SLC12A8: variants seen among roughly 807,000 people sequenced by gnomAD.
SLC12A8 encodes the protein solute carrier family 12 member 8.
SLC12A8 carries 69 observed loss-of-function variants against 75.6 expected under a neutral mutation model. The ratio of observed to expected loss-of-function variants is 0.91; its 90% CI spans 0.75 to 1.11. The LOEUF is 1.11. Ranked by LOEUF, SLC12A8 falls within the 50% of genes most tolerant of loss-of-function variation. The pLI, the probability that SLC12A8 is intolerant of heterozygous loss-of-function variation, is 0.00. For synonymous variants in SLC12A8, 365 were observed against 372.8 expected, an observed-to-expected ratio of 0.98 and a Z score of 0.24; for missense variants, 877 against 896.7, an observed-to-expected ratio of 0.98 and a Z score of 0.28.
intron 5 of SLC12A8, among the ~76,000 whole-genome samples, chr3:125,149,202 G>A (rs527962525): frequency 6.6e-6 from 1 of 152,322 alleles, no homozygotes; most frequent in South Asian, 2.1e-4. Flanking sequence ...CTCGGGGGTC[G>A]AAGCTGGGCA....
chr3:125,086,344 C>T (rs1254157573), intron 13 of SLC12A8, among the ~76,000 whole-genome samples: 1 of 152,176 alleles, frequency 6.6e-6, no homozygotes, highest in East Asian at 1.9e-4. Context: ...ACTGATTCTA[C>T]TCCAACCAAA....
chr3:125,164,601 G>A (rs1934246693), intron 5 of SLC12A8, among the ~76,000 whole-genome samples: 1 of 152,230 alleles, frequency 6.6e-6, no homozygotes, highest in Non-Finnish European at 1.5e-5. Context: ...CTGGCCCTGA[G>A]CCTGTGCCCA....
rs1939073149 is a variant in SLC12A8 at position 125,107,891 on chromosome 3, T to G, written c.1295A>C (p.His432Pro). Reference sequence around the variant, plus strand: ...ACTGGGAGCTTTCTCTAAGAGCAGGTGCTCAGAGCAGTGGAGGCCTTCTGC... The same window carrying G: ...ACTGGGAGCTTTCTCTAAGAGCAGGGGCTCAGAGCAGTGGAGGCCTTCTGC... The part of the protein sequence containing the change: ...EGAEGLHCSE[H>P]LLLEKAPSYG... Residue 432 changes from histidine to proline, a missense_variant, in exon 10 of 14, where the codon CAC becomes CCC. Transcript: ENST00000469902. 6.2e-6 allele frequency: 10 copies of G among 1,614,008 alleles called. No homozygotes were observed. Among genetic ancestry groups the G allele is most frequent in the Non-Finnish European group, 8.5e-6 (10 of 1,180,026 alleles).
chr3:125,110,720 C>T (rs961406936), intron 8 of SLC12A8: 7 of 165,184 alleles, frequency 4.2e-5, no homozygotes, highest in Non-Finnish European at 5.2e-5. Flanking sequence ...AACCACAATG[C>T]TCATTGGCCT....
At chr3:125,138,713 A>G (rs989488476) in intron 5 of SLC12A8, among the ~76,000 whole-genome samples, 1 of 152,100 alleles carries the variant, frequency 6.6e-6, no homozygotes, top group African/African-American at 2.4e-5. Context: ...AAACATCCAC[A>G]TTTAAGTTAA....
rs116513706 is a variant in SLC12A8 at position 125,185,589 on chromosome 3, A to T, written c.390+1648T>A. 2.2e-3 allele frequency among the ~76,000 whole-genome samples: 331 copies of T among 152,318 alleles called. 4 individuals carry two copies. Among genetic ancestry groups the T allele is most frequent in the African/African-American group, 7.6e-3 (318 of 41,574 alleles). On this transcript the variant is annotated intron_variant, in intron 4 of 13. Coordinates refer to ENST00000469902, the MANE Select transcript of SLC12A8 (RefSeq NM_024628.6). The stretch of plus-strand genomic sequence containing the variant: ...CACAAACTCCTCCAAAAAATAGAGA[A>T]GGAGGGAACACCTTCCAACTCAGTC...
intron 5 of SLC12A8, among the ~76,000 whole-genome samples, chr3:125,172,442 A>G (rs940196575): frequency 6.6e-6 from 1 of 152,042 alleles, no homozygotes; most frequent in East Asian, 1.9e-4. Flanking sequence ...TGGACCACTG[A>G]GGCCTCCTAA....
intron 4 of SLC12A8, among the ~76,000 whole-genome samples, chr3:125,179,749 G>C (rs1313669843): frequency 6.6e-6 from 1 of 151,998 alleles, no homozygotes; most frequent in Non-Finnish European, 1.5e-5. Context: ...AAGACAGAGA[G>C]ACTAATGTTT....
At position 125,107,804 on chromosome 3, in the gene SLC12A8, T is replaced by C; in HGVS notation, c.1382A>G (p.Asp461Gly). ...LEGTLLEFTKDMDQLLQLTRK... is the reference protein window; with the variant it reads ...LEGTLLEFTKGMDQLLQLTRK... ...GGTTAGCTGGAGGAGCTGATCCATG[T>C]CCTTGGTGAATTCCAGTAGCGTGCC... Residue 461 changes from aspartate (D) to glycine (G), a missense_variant, in exon 10 of 14, where the codon GAC becomes GGC. By Grantham distance (94) the Asp-to-Gly change is moderately conservative (BLOSUM62 -1). Coordinates refer to ENST00000469902, the MANE Select transcript of SLC12A8 (RefSeq NM_024628.6). 6.2e-7 allele frequency: 1 copy of C among 1,614,166 alleles called. No homozygotes were observed. Among genetic ancestry groups the C allele is most frequent in the Non-Finnish European group, 8.5e-7 (1 of 1,180,018 alleles).
chr3:125,188,484 A>G (rs1934840167), intron 3 of SLC12A8, among the ~76,000 whole-genome samples: 1 of 152,252 alleles, frequency 6.6e-6, no homozygotes, highest in Non-Finnish European at 1.5e-5. Context: ...ATAGGTGTTC[A>G]TTAAATGCTT....
intron 10 of SLC12A8, among the ~76,000 whole-genome samples, chr3:125,100,340 A>G (rs1938836531): frequency 6.6e-6 from 1 of 152,204 alleles, no homozygotes; most frequent in African/African-American, 2.4e-5. Context: ...ACATACACCT[A>G]ATTATCACAA....
intron 2 of SLC12A8, among the ~76,000 whole-genome samples, chr3:125,203,537 T>G (rs1418663913): frequency 1.3e-5 from 2 of 152,162 alleles, no homozygotes. Flanking sequence ...TATATCCACA[T>G]GCAGAAGAAT....
intron 6 of SLC12A8, among the ~76,000 whole-genome samples, chr3:125,135,244 A>C (rs961402325): frequency 2.0e-5 from 3 of 152,228 alleles, no homozygotes; most frequent in Admixed American, 6.5e-5. Context: ...GGTAGGGGGA[A>C]GGGAAGTTTC....
chr3:125,154,861 C>T lies in SLC12A8; in HGVS notation c.623-19079G>A, dbSNP rs1206995945. 5.9e-5 allele frequency: 9 copies of T among 152,284 alleles called. 1 individual carries two copies. The highest frequency in any genetic ancestry group is 3.9e-4 in the Admixed American group (6 of 15,298). 9.4% of individuals were successfully genotyped at this position (152,284 alleles called of 1,614,324 possible). On this transcript the variant is annotated intron_variant, in intron 5 of 13. Transcript: ENST00000469902. ...ATGATGTAAGATGATAAAACGCCTA[C>T]GTGACGAGAAGTGAGGCGGATGATG...
intron 5 of SLC12A8, among the ~76,000 whole-genome samples, chr3:125,167,545 G>A (rs1054242946): frequency 3.9e-5 from 6 of 152,252 alleles, no homozygotes; most frequent in East Asian, 3.9e-4. Flanking sequence ...GGATCTCCAC[G>A]GGCCTTGGGC....
rs947016992 is a variant in SLC12A8 at position 125,189,453 on chromosome 3, C to T, written c.198+922G>A. 2.0e-5 allele frequency among the ~76,000 whole-genome samples: 3 copies of T among 152,260 alleles called. No homozygotes were observed. The South Asian group carries it at 6.2e-4, about 31-fold the overall frequency. ...CTCAACTGCATCTCCTCCAGGAAGG[C>T]TTCCTGACACCTCAGTGACTGCAGC... On this transcript the variant is annotated intron_variant, in intron 3 of 13. Transcript: ENST00000469902.
chr3:125,160,843 G>A (rs1934151629), intron 5 of SLC12A8, among the ~76,000 whole-genome samples: 1 of 48,926 alleles, frequency 2.0e-5, no homozygotes, highest in South Asian at 4.9e-4. Flanking sequence ...GGAGCTGCAC[G>A]GGGGCACAGG....
chr3:125,150,223 C>A (rs746634819), intron 5 of SLC12A8, among the ~76,000 whole-genome samples: 5 of 152,130 alleles, frequency 3.3e-5, no homozygotes, highest in Non-Finnish European at 7.3e-5. Flanking sequence ...GTGTTGTATT[C>A]AAGTCTTCAC....
At chr3:125,161,374 C>T (rs777307400) in intron 5 of SLC12A8, among the ~76,000 whole-genome samples, 7 of 152,160 alleles carry the variant, frequency 4.6e-5, no homozygotes, top group Non-Finnish European at 7.3e-5. Context: ...TCTTGCCTGG[C>T]GTGTAGCTCA....
Sources: gnomAD v4.1 joint callset for allele counts (sites outside exome capture counted in the v4.1 genomes callset) on GRCh38, gnomAD v4.1.1 for gene constraint, MANE v1.5 for transcripts, NCBI Gene and HGNC (gene_info 2026-07-23, HGNC 2026-07-21) for gene names.